SIPA1L2: variants seen among roughly 807,000 people sequenced by gnomAD.
SIPA1L2 encodes the protein signal induced proliferation associated 1 like 2, also known as signal-induced proliferation-associated 1-like protein 2.
A neutral mutation model predicts 163.9 loss-of-function variants in SIPA1L2; 56 were observed. That is an observed-to-expected ratio of 0.34 (90% confidence interval 0.28 to 0.43). The LOEUF is 0.43. Among genes scored for constraint, SIPA1L2 ranks in the 20% least tolerant of loss-of-function variants. The pLI, the probability that SIPA1L2 is intolerant of heterozygous loss-of-function variation, is 1.00. For synonymous variants in SIPA1L2, 877 were observed against 865.7 expected (o/e 1.01, Z -0.23); for missense variants, 1,974 against 2,193.5 (o/e 0.90, Z 2.00).
At chr1:232,423,107 T>C (rs1473558857) in intron 18 of SIPA1L2, among the ~76,000 whole-genome samples, 1 of 152,176 alleles carries the variant, frequency 6.6e-6, no homozygotes, top group Non-Finnish European at 1.5e-5. Context: ...ACGCACGAGA[T>C]TCCATGGGTA....
chr1:232,600,742 AC>A (rs1268228740), intron 1 of SIPA1L2, among the ~76,000 whole-genome samples: 1 of 152,030 alleles, frequency 6.6e-6, no homozygotes, highest in Non-Finnish European at 1.5e-5. Flanking sequence ...AGTGTGCTCC[AC>A]CCCCTGCCCC....
intron 12 of SIPA1L2, among the ~76,000 whole-genome samples, chr1:232,442,266 A>G (rs1662948168): frequency 2.0e-5 from 3 of 151,686 alleles, no homozygotes. Flanking sequence ...AAAAAAAAAA[A>G]GGGCCGGGCA....
chr1:232,548,584 T>C (rs991202010), intron 2 of SIPA1L2, among the ~76,000 whole-genome samples: 1 of 152,232 alleles, frequency 6.6e-6, no homozygotes, highest in African/African-American at 2.4e-5. Flanking sequence ...TCAATCAATA[T>C]ACTTCATTCA....
intron 21 of SIPA1L2, among the ~76,000 whole-genome samples, chr1:232,403,116 T>A (rs1481775162): frequency 1.3e-5 from 2 of 152,228 alleles, no homozygotes; most frequent in African/African-American, 4.8e-5. Flanking sequence ...CCCTGCATGG[T>A]GCTGTTGCAG....
intron 18 of SIPA1L2, among the ~76,000 whole-genome samples, chr1:232,418,268 T>C (rs979573682): frequency 1.3e-5 from 2 of 152,190 alleles, no homozygotes; most frequent in African/African-American, 4.8e-5. Context: ...ACAGAGGGGA[T>C]GGCGGCCAGT....
intron 10 of SIPA1L2, 99 bp from the exon 11 acceptor site, chr1:232,445,885 T>C: frequency 5.0e-6 from 7 of 1,386,488 alleles, no homozygotes; most frequent in Non-Finnish European, 6.9e-6. Flanking sequence ...TCACATGGTG[T>C]GTGCCTCTCC....
At chr1:232,608,204 C>T (rs1662065987) in intron 1 of SIPA1L2, among the ~76,000 whole-genome samples, 1 of 152,112 alleles carries the variant, frequency 6.6e-6, no homozygotes, top group Non-Finnish European at 1.5e-5. Context: ...CATCACCACA[C>T]CCCACTAATT....
intron 10 of SIPA1L2, among the ~76,000 whole-genome samples, chr1:232,457,774 A>G (rs1226579342): frequency 6.6e-6 from 1 of 152,330 alleles, no homozygotes; most frequent in Admixed American, 6.5e-5. Context: ...AAGGCTAAAC[A>G]TGCTGAGCGC....
intron 9 of SIPA1L2, chr1:232,462,257 A>T: frequency 5.2e-6 from 8 of 1,550,804 alleles, no homozygotes; most frequent in Non-Finnish European, 6.1e-6. Flanking sequence ...GATGACTATG[A>T]CCTCACCTAT....
intron 17 of SIPA1L2, 40 bp downstream of exon 17, chr1:232,428,371 T>C: frequency 4.7e-6 from 6 of 1,267,228 alleles, no homozygotes; most frequent in Non-Finnish European, 6.2e-6. Flanking sequence ...TTTTTTTTTT[T>C]AGTGTTTCTG....
intron 2 of SIPA1L2, among the ~76,000 whole-genome samples, chr1:232,554,959 T>G (rs561511919): frequency 6.6e-6 from 1 of 152,138 alleles, no homozygotes; most frequent in South Asian, 2.1e-4. Context: ...TTTAGCTTGC[T>G]TCCTTACAAT....
chr1:232,445,874 A>G, intron 10 of SIPA1L2, 88 bp from the exon 11 acceptor site: 2 of 1,447,404 alleles, frequency 1.4e-6, no homozygotes, highest in Non-Finnish European at 1.9e-6. Flanking sequence ...CTCAACACAC[A>G]TCACATGGTG....
intron 2 of SIPA1L2, among the ~76,000 whole-genome samples, chr1:232,567,915 T>C (rs752433595): frequency 2.6e-5 from 4 of 152,206 alleles, no homozygotes; most frequent in African/African-American, 9.7e-5. Flanking sequence ...TAATCAATAA[T>C]GCCTATGTAA....
intron 2 of SIPA1L2, among the ~76,000 whole-genome samples, chr1:232,558,961 G>A (rs923947139): frequency 4.6e-5 from 7 of 152,202 alleles, no homozygotes; most frequent in African/African-American, 1.7e-4. Context: ...TTGCAGGGCT[G>A]AGGCAAAAAT....
At chr1:232,526,100 C>G (rs938009089) in intron 2 of SIPA1L2, among the ~76,000 whole-genome samples, 1 of 152,188 alleles carries the variant, frequency 6.6e-6, no homozygotes, top group African/African-American at 2.4e-5. Context: ...AGGTTCTAGA[C>G]CAATATTCCA....
intron 2 of SIPA1L2, among the ~76,000 whole-genome samples, chr1:232,557,997 G>T (rs981758050): frequency 6.6e-6 from 1 of 152,178 alleles, no homozygotes; most frequent in Non-Finnish European, 1.5e-5. Context: ...TGTCTGTATG[G>T]AGAGTAAGCC....
chr1:232,421,357 T>C (rs1360810181), intron 18 of SIPA1L2, among the ~76,000 whole-genome samples: 1 of 152,174 alleles, frequency 6.6e-6, no homozygotes, highest in East Asian at 1.9e-4. Context: ...CCCGTCTGTT[T>C]ACCCAAAACC....
chr1:232,445,631 G>C lies in SIPA1L2; in HGVS notation c.3251C>G (p.Pro1084Arg). The change falls in exon 11 of 23, where the codon CCC becomes CGC. Residue 1084 changes from proline to arginine, a missense_variant. This residue lies in a region of SIPA1L2 where 1,079 missense variants were observed against 1,150.7 expected (regional missense o/e 0.94). Transcript: ENST00000674635. Reference sequence around the variant, plus strand: ...GCACGGCAGCCGGTCGGGCGTGCCGGGGATGGGGGAAGCTCTAGAGAGGGG... The same window carrying C: ...GCACGGCAGCCGGTCGGGCGTGCCGCGGATGGGGGAAGCTCTAGAGAGGGG... ...LQPLSRASPI[P>R]GTPDRLPCQQ... 1 of 1,613,982 alleles carries C rather than the reference G, an allele frequency of 6.2e-7. No individual in the cohort carries two copies.
chr1:232,539,580 G>A (rs1239774121), intron 2 of SIPA1L2, among the ~76,000 whole-genome samples: 1 of 152,138 alleles, frequency 6.6e-6, no homozygotes, highest in Non-Finnish European at 1.5e-5. Context: ...AGGCCAATAT[G>A]CATGAAGACT....
Sources: allele counts gnomAD v4.1 joint callset (sites outside exome capture counted in the v4.1 genomes callset), GRCh38; gene constraint gnomAD v4.1.1; regional missense constraint gnomAD v4.1.1; transcripts MANE v1.5; gene names NCBI Gene and HGNC (gene_info 2026-07-23, HGNC 2026-07-21).